NBEA: variants seen among roughly 807,000 people sequenced by gnomAD.
NBEA encodes the protein lysosomal-trafficking regulator 2.
NBEA carries 44 observed loss-of-function variants against 343.4 expected under a neutral mutation model. The observed-to-expected ratio is 0.13, with a 90% CI of 0.10 to 0.16. The LOEUF (loss-of-function observed/expected upper bound fraction) is 0.16, where lower values mean the gene tolerates loss of function less well. Ranked by LOEUF, NBEA falls within the 10% of genes least tolerant of loss-of-function variation. The probability of loss-of-function intolerance (pLI) is 1.00; values close to 1 mark genes in which losing one functional copy is unlikely to be tolerated. For missense variants in NBEA, 2,555 were observed against 3,631.3 expected (o/e 0.70, Z 7.62); for synonymous variants, 1,175 against 1,238.7 (o/e 0.95, Z 1.08).
intron 4 of NBEA, among the ~76,000 whole-genome samples, chr13:35,047,075 A>G (rs1282261496): frequency 6.6e-6 from 1 of 152,120 alleles, no homozygotes; most frequent in Admixed American, 6.6e-5. Context: ...TAAAAAGTCA[A>G]TAAAAGTTAT....
chr13:35,552,581 A>G (rs1311722777), intron 43 of NBEA, among the ~76,000 whole-genome samples: 2 of 152,194 alleles, frequency 1.3e-5, no homozygotes, highest in Non-Finnish European at 2.9e-5. Flanking sequence ...GTGCTTACAT[A>G]CTATTTGTTT....
intron 33 of NBEA, among the ~76,000 whole-genome samples, chr13:35,222,677 G>T (rs1287303636): frequency 6.6e-6 from 1 of 151,728 alleles, no homozygotes; most frequent in Non-Finnish European, 1.5e-5. Context: ...GCTTCTCTAC[G>T]ACTTACAATA....
intron 21 of NBEA, among the ~76,000 whole-genome samples, chr13:35,157,744 G>C (rs1242588415): frequency 6.6e-6 from 1 of 151,414 alleles, no homozygotes. Flanking sequence ...TCTATTTTAA[G>C]TATTATTTGA....
chr13:35,623,747 A>G (rs1223516009), intron 48 of NBEA, among the ~76,000 whole-genome samples: 1 of 152,120 alleles, frequency 6.6e-6, no homozygotes, highest in Non-Finnish European at 1.5e-5. Flanking sequence ...CAAAATTGAG[A>G]CTTACAAGGC....
At chr13:35,596,754 G>A (rs1401852653) in intron 47 of NBEA, among the ~76,000 whole-genome samples, 3 of 152,084 alleles carry the variant, frequency 2.0e-5, no homozygotes, top group Non-Finnish European at 2.9e-5. Context: ...GAATAGCTAT[G>A]TAGATGTCAG....
chr13:35,476,624 G>A, intron 41 of NBEA: 1 of 505,396 alleles, frequency 2.0e-6, no homozygotes, highest in Non-Finnish European at 3.6e-6. Context: ...GGAAAAGTGT[G>A]CTGAGTGTGT....
At chr13:35,580,641 G>T (rs1319060339) in intron 45 of NBEA, among the ~76,000 whole-genome samples, 2 of 152,074 alleles carry the variant, frequency 1.3e-5, no homozygotes, top group African/African-American at 4.8e-5. Flanking sequence ...GAAGCTTTTT[G>T]CTTTCTAATT....
At chr13:35,246,535 C>T (rs1289881927) in intron 34 of NBEA, among the ~76,000 whole-genome samples, 1 of 152,140 alleles carries the variant, frequency 6.6e-6, no homozygotes, top group African/African-American at 2.4e-5. Context: ...GCTAGCCAAA[C>T]TGTAGTGACT....
At chr13:35,150,779 T>C (rs2068725183) in intron 18 of NBEA, among the ~76,000 whole-genome samples, 1 of 150,402 alleles carries the variant, frequency 6.6e-6, no homozygotes, top group Admixed American at 6.7e-5. Flanking sequence ...ACTTATGGTG[T>C]TGATAATGAT....
intron 38 of NBEA, among the ~76,000 whole-genome samples, chr13:35,397,016 C>G (rs914259311): frequency 6.6e-6 from 1 of 152,160 alleles, no homozygotes; most frequent in Admixed American, 6.6e-5. Flanking sequence ...TGCTAACCTG[C>G]CTTTCAGCTT....
At chr13:35,046,026 G>C (rs1255823239) in intron 4 of NBEA, among the ~76,000 whole-genome samples, 1 of 151,980 alleles carries the variant, frequency 6.6e-6, no homozygotes, top group African/African-American at 2.4e-5. Context: ...ACCCGGCCTG[G>C]TATATAGTCT....
chr13:35,150,095 A>G (rs2068682273), intron 18 of NBEA, among the ~76,000 whole-genome samples: 2 of 152,194 alleles, frequency 1.3e-5, no homozygotes. Flanking sequence ...GGGATGAGGC[A>G]GAGCTCCTGA....
intron 10 of NBEA, among the ~76,000 whole-genome samples, chr13:35,084,193 C>T (rs1223826717): frequency 6.6e-6 from 1 of 152,014 alleles, no homozygotes; most frequent in African/African-American, 2.4e-5. Flanking sequence ...CAAGGATATC[C>T]AGGAACTGAA....
intron 41 of NBEA, among the ~76,000 whole-genome samples, chr13:35,542,185 T>C (rs1344058211): frequency 2.0e-5 from 3 of 151,138 alleles, no homozygotes; most frequent in Admixed American, 2.0e-4. Context: ...TATGCCCATG[T>C]ACCAATAATG....
chr13:35,315,158 A>T (rs190442213), intron 36 of NBEA, among the ~76,000 whole-genome samples: 28 of 152,314 alleles, frequency 1.8e-4, no homozygotes, highest in Admixed American at 2.6e-4. Context: ...TCAGTCTTTA[A>T]TTTGTCCTTA....
In NBEA at chr13:35,403,192, AAAT is replaced by A. The variant is rs554929611; in HGVS notation, c.6180-29074_6180-29072del. On this transcript the variant is annotated intron_variant, in intron 38 of 58. Coordinates refer to ENST00000379939, the MANE Select transcript of NBEA (RefSeq NM_001385012.1). ...CAAATAATAAATAAAAAATTAATTA[AAAT>A]AAATTACTTAAAATTGTATTTAAAT... Among the ~76,000 whole-genome samples, 398 of 151,574 alleles carry A rather than the reference AAAT, an allele frequency of 2.6e-3. 3 individuals carry two copies. Among genetic ancestry groups the A allele is most frequent in the African/African-American group, 8.7e-3 (363 of 41,512 alleles).
intron 36 of NBEA, among the ~76,000 whole-genome samples, chr13:35,311,455 A>C (rs1250171024): frequency 1.3e-5 from 2 of 152,074 alleles, no homozygotes; most frequent in Admixed American, 6.6e-5. Context: ...AATATCAGAG[A>C]TTTTAAGCTT....
intron 39 of NBEA, among the ~76,000 whole-genome samples, chr13:35,435,683 C>T (rs1278600151): frequency 6.6e-6 from 1 of 151,870 alleles, no homozygotes; most frequent in African/African-American, 2.4e-5. Context: ...TTTATCCCTG[C>T]AAGTTGAATT....
Position 35,235,965 on chromosome 13 carries a change from T to C in NBEA, c.5776+3346T>C, listed in dbSNP as rs1276476809. ...TTCATTTTGTGTTCCCCTGGCAGTA[T>C]ACAATTATATCTTGTAACTTTCTAC... On this transcript the variant is annotated intron_variant, in intron 34 of 58. Coordinates refer to ENST00000379939, the MANE Select transcript of NBEA (RefSeq NM_001385012.1). Among the ~76,000 whole-genome samples, 5 of 152,244 alleles carry C rather than the reference T, an allele frequency of 3.3e-5. No homozygotes were observed. The East Asian group carries it at 9.6e-4, about 29-fold the overall frequency.
Sources: gnomAD v4.1 joint callset for allele counts (sites outside exome capture counted in the v4.1 genomes callset) on GRCh38, gnomAD v4.1.1 for gene constraint, MANE v1.5 for transcripts, NCBI Gene and HGNC (gene_info 2026-07-23, HGNC 2026-07-21) for gene names.